The following CDH18 variants were observed in gnomAD, a reference collection of about 807,000 sequenced individuals.
CDH18 encodes the protein cadherin 18, also known as cadherin-18.
In CDH18, 31 loss-of-function variants were observed where a neutral mutation model predicts 67.9. That is an observed-to-expected ratio of 0.46 (90% CI 0.34 to 0.62). The LOEUF (loss-of-function observed/expected upper bound fraction) is 0.62. Among genes scored for constraint, CDH18 ranks in the 20% least tolerant of loss-of-function variants. The pLI, the probability that CDH18 is intolerant of heterozygous loss-of-function variation, is 0.01. For synonymous variants in CDH18, 362 were observed against 347.2 expected (o/e 1.04, Z -0.48); for missense variants, 890 against 975.5 (o/e 0.91, Z 1.17).
At chr5:19,786,814 A>C (rs1252781243) in intron 3 of CDH18, among the ~76,000 whole-genome samples, 3 of 152,038 alleles carry the variant, frequency 2.0e-5, no homozygotes, top group African/African-American at 4.8e-5. Context: ...AATTTACACA[A>C]AGTCCAGTGT....
intron 2 of CDH18, among the ~76,000 whole-genome samples, chr5:20,032,998 T>C (rs1739534529): frequency 6.6e-6 from 1 of 151,954 alleles, no homozygotes. Context: ...GTACCAATGT[T>C]GAGATATTGT....
intron 3 of CDH18, among the ~76,000 whole-genome samples, chr5:19,802,902 T>C (rs947006264): frequency 6.6e-6 from 1 of 152,238 alleles, no homozygotes; most frequent in South Asian, 2.1e-4. Flanking sequence ...TCATGGGCAA[T>C]GGTCTGGCCC....
chr5:19,999,871 A>G (rs944061577), intron 2 of CDH18, among the ~76,000 whole-genome samples: 37 of 152,170 alleles, frequency 2.4e-4, no homozygotes, highest in African/African-American at 8.7e-4. Context: ...CGTCACTTCT[A>G]CCAATCCAAT....
At chr5:20,336,753 A>AAAAAAAAAAAAAACG (rs1739805813) in intron 1 of CDH18, among the ~76,000 whole-genome samples, 1 of 134,198 alleles carries the variant, frequency 7.5e-6, no homozygotes, top group Non-Finnish European at 1.6e-5. Context: ...AAAAAAAAAA[A>AAAAAAAAAAAAAACG]AAGAACTTTT....
intron 2 of CDH18, among the ~76,000 whole-genome samples, chr5:19,956,860 G>A (rs1328640492): frequency 2.0e-5 from 3 of 151,682 alleles, no homozygotes; most frequent in Non-Finnish European, 1.5e-5. Context: ...TGCATAATTC[G>A]TATAAGAATC....
chr5:20,225,130 G>A (rs886281612), intron 2 of CDH18, among the ~76,000 whole-genome samples: 3 of 152,046 alleles, frequency 2.0e-5, no homozygotes, highest in African/African-American at 7.2e-5. Context: ...CACCACATCA[G>A]TGACATTGTT....
In CDH18 at chr5:20,539,001, G is replaced by A. The variant is rs116871323; in HGVS notation, c.-580+36461C>T. ...CCTCCTGGGTTCAAGCAATTCTCTTGCGTCATACTCCCAAGTAGCTGGGAT... is the reference window on the plus strand; with the variant it reads ...CCTCCTGGGTTCAAGCAATTCTCTTACGTCATACTCCCAAGTAGCTGGGAT... On this transcript the variant is annotated intron_variant, in intron 1 of 14. Coordinates refer to the CDH18 transcript ENST00000507958. Among the ~76,000 whole-genome samples, 32 of 136,884 alleles carry A rather than the reference G, an allele frequency of 2.3e-4. No individual in the cohort carries two copies. In the East Asian group the frequency reaches 7.4e-3, roughly 32 times the overall value. The allele number at this position is 136,884 out of a possible 152,430, so 89.8% of individuals were successfully genotyped here.
chr5:20,182,712 T>G (rs1356729733), intron 2 of CDH18, among the ~76,000 whole-genome samples: 1 of 151,982 alleles, frequency 6.6e-6, no homozygotes, highest in Non-Finnish European at 1.5e-5. Flanking sequence ...AGGTAGGGCT[T>G]TTTGCTTCTC....
At chr5:20,480,014 C>T (rs529446628) in intron 1 of CDH18, among the ~76,000 whole-genome samples, 22 of 152,020 alleles carry the variant, frequency 1.4e-4, no homozygotes, top group Admixed American at 7.9e-4. Context: ...TAAATTTTAT[C>T]GTAGAATAAT....
intron 5 of CDH18, among the ~76,000 whole-genome samples, chr5:19,660,840 A>G (rs891131261): frequency 2.6e-5 from 4 of 152,080 alleles, no homozygotes; most frequent in African/African-American, 9.7e-5. Flanking sequence ...TGAGAGGCTA[A>G]GCAGAGGCCT....
intron 1 of CDH18, among the ~76,000 whole-genome samples, chr5:20,415,644 G>A (rs1747237705): frequency 6.6e-6 from 1 of 151,628 alleles, no homozygotes; most frequent in Admixed American, 6.6e-5. Flanking sequence ...ATGGTGGTGG[G>A]CACCTGCAGT....
chr5:20,388,556 G>A (rs1257396995), intron 1 of CDH18, among the ~76,000 whole-genome samples: 1 of 151,932 alleles, frequency 6.6e-6, no homozygotes, highest in African/African-American at 2.4e-5. Context: ...GGTTTTTTGT[G>A]TCTCTATCTC....
At chr5:20,028,056 T>A (rs1739067839) in intron 2 of CDH18, among the ~76,000 whole-genome samples, 2 of 152,012 alleles carry the variant, frequency 1.3e-5, no homozygotes, top group Admixed American at 1.3e-4. Context: ...AGATAGTACA[T>A]ATCTAAAAAT....
chr5:19,663,773 T>G (rs1560980616), intron 5 of CDH18, among the ~76,000 whole-genome samples: 1 of 151,972 alleles, frequency 6.6e-6, no homozygotes, highest in Non-Finnish European at 1.5e-5. Flanking sequence ...TTTATTAATA[T>G]TCACACGCAA....
chr5:20,065,793 A>G (rs1054366741), intron 2 of CDH18, among the ~76,000 whole-genome samples: 3 of 152,018 alleles, frequency 2.0e-5, no homozygotes, highest in Admixed American at 2.0e-4. Flanking sequence ...TCCCTTTTGC[A>G]CTGTCATAAA....
At chr5:20,490,664 G>C (rs554744784) in intron 1 of CDH18, among the ~76,000 whole-genome samples, 6 of 152,270 alleles carry the variant, frequency 3.9e-5, no homozygotes, top group Admixed American at 3.3e-4. Flanking sequence ...AATTCACTTA[G>C]TGATGAACAG....
At chr5:20,207,794 T>C (rs1309142000) in intron 2 of CDH18, among the ~76,000 whole-genome samples, 2 of 152,066 alleles carry the variant, frequency 1.3e-5, no homozygotes, top group Non-Finnish European at 2.9e-5. Context: ...GCAATAATTA[T>C]ATAAGCAAAC....
chr5:20,039,799 T>G (rs906169474), intron 2 of CDH18, among the ~76,000 whole-genome samples: 1 of 152,086 alleles, frequency 6.6e-6, no homozygotes, highest in Non-Finnish European at 1.5e-5. Flanking sequence ...AAAGACTTCA[T>G]GACTAAAACA....
chr5:20,338,968 C>T (rs1054979034), intron 1 of CDH18, among the ~76,000 whole-genome samples: 1 of 152,126 alleles, frequency 6.6e-6, no homozygotes, highest in Admixed American at 6.5e-5. Flanking sequence ...ACTCTGGATC[C>T]ATAGGCAGTA....
Sources: allele counts gnomAD v4.1 joint callset (sites outside exome capture counted in the v4.1 genomes callset), GRCh38; gene constraint gnomAD v4.1.1; transcripts MANE v1.5; gene names NCBI Gene and HGNC (gene_info 2026-07-23, HGNC 2026-07-21).